PCNX1: variants seen among roughly 807,000 people sequenced by gnomAD.
The protein encoded by PCNX1 is pecanex-like protein 1.
PCNX1 carries 78 observed loss-of-function variants against 242.2 expected under a neutral mutation model. That is an observed-to-expected ratio of 0.32 (90% CI 0.27 to 0.39). The LOEUF is 0.39. Among genes scored for constraint, PCNX1 ranks in the 10% least tolerant of loss-of-function variants. PCNX1 has a pLI of 1.00. For synonymous variants in PCNX1, 1,024 were observed against 1,032.9 expected, an observed-to-expected ratio of 0.99 and a Z score of 0.17; for missense variants, 2,581 against 2,856.5, an observed-to-expected ratio of 0.90 and a Z score of 2.20.
intron 28 of PCNX1, among the ~76,000 whole-genome samples, chr14:71,086,847 C>G (rs1291585567): frequency 2.0e-5 from 3 of 152,130 alleles, no homozygotes; most frequent in Non-Finnish European, 2.9e-5. Context: ...GTAGGGCTAC[C>G]TCATTTGTTT....
intron 33 of PCNX1, among the ~76,000 whole-genome samples, chr14:71,108,153 G>C (rs2062675363): frequency 6.6e-6 from 1 of 151,916 alleles, no homozygotes; most frequent in South Asian, 2.1e-4. Flanking sequence ...GTGAGTTCGG[G>C]GTTTTCAGAT....
intron 28 of PCNX1, among the ~76,000 whole-genome samples, chr14:71,087,491 C>G (rs1215461346): frequency 6.6e-6 from 1 of 152,052 alleles, no homozygotes; most frequent in Non-Finnish European, 1.5e-5. Context: ...AATAATTAAG[C>G]TAATTATTAG....
At chr14:70,983,271 A>G (rs936793307) in intron 6 of PCNX1, among the ~76,000 whole-genome samples, 2 of 152,126 alleles carry the variant, frequency 1.3e-5, no homozygotes, top group African/African-American at 4.8e-5. Flanking sequence ...ATCAGTAAGG[A>G]TGTGCAAATT....
At chr14:70,964,364 G>A (rs2058314719) in intron 3 of PCNX1, among the ~76,000 whole-genome samples, 1 of 152,108 alleles carries the variant, frequency 6.6e-6, no homozygotes, top group African/African-American at 2.4e-5. Context: ...ACCATGCCCA[G>A]CCTTAGATTG....
At chr14:71,071,477 G>A (rs1190259287) in intron 26 of PCNX1, among the ~76,000 whole-genome samples, 2 of 152,096 alleles carry the variant, frequency 1.3e-5, no homozygotes, top group Admixed American at 6.6e-5. Flanking sequence ...AGATCATGGG[G>A]GTAGATTTTC....
intron 22 of PCNX1, among the ~76,000 whole-genome samples, chr14:71,048,573 CAGAT>C (rs1207762678): frequency 1.3e-5 from 2 of 152,200 alleles, no homozygotes; most frequent in Non-Finnish European, 2.9e-5. Flanking sequence ...GCTGTACAGT[CAGAT>C]TATTTGTCAG....
At chr14:70,973,362 A>G (rs2058598033) in intron 5 of PCNX1, among the ~76,000 whole-genome samples, 1 of 152,170 alleles carries the variant, frequency 6.6e-6, no homozygotes, top group Non-Finnish European at 1.5e-5. Flanking sequence ...AGATCAAAGG[A>G]AAACCAAGAC....
chr14:70,910,409 G>T (rs1426834983), intron 1 of PCNX1, among the ~76,000 whole-genome samples: 1 of 151,512 alleles, frequency 6.6e-6, no homozygotes, highest in African/African-American at 2.4e-5. Context: ...CTCAGGGCCT[G>T]CCCTCTCCTG....
At chr14:70,986,637 G>C (rs887968868) in intron 6 of PCNX1, among the ~76,000 whole-genome samples, 1 of 152,074 alleles carries the variant, frequency 6.6e-6, no homozygotes, top group Non-Finnish European at 1.5e-5. Context: ...GTATGATTAC[G>C]TACTGCTTTT....
In PCNX1 at chr14:70,977,876, C is replaced by T. The variant is rs113064017; in HGVS notation, c.1539C>T (p.Asn513=). 6.6e-3 allele frequency: 10,632 copies of T among 1,614,052 alleles called. 42 individuals are homozygous for T. Among genetic ancestry groups the T allele is most frequent in the Non-Finnish European group, 7.9e-3 (9,306 of 1,179,994 alleles). ...GACCACCTGGGAACACTGCAGAAAA[C>T]AAAGAAGAGAAGAGTGATAAGTCAG... is the stretch of plus-strand genomic sequence containing the variant. ...GDRPPGNTAE[N]KEEKSDKSAV... The change falls in exon 6 of 36, where the codon AAC becomes AAT. Residue 513 remains asparagine (N), a synonymous_variant. Coordinates refer to ENST00000304743, the MANE Select transcript of PCNX1 (RefSeq NM_014982.3).
intron 8 of PCNX1, among the ~76,000 whole-genome samples, chr14:70,999,134 T>G (rs968345946): frequency 1.3e-5 from 2 of 152,126 alleles, no homozygotes; most frequent in African/African-American, 4.8e-5. Flanking sequence ...CTTAAAGTTC[T>G]GTTTTATATC....
intron 8 of PCNX1, among the ~76,000 whole-genome samples, chr14:71,003,347 C>T (rs77039754): frequency 0.014 from 2,064 of 152,090 alleles, 22 homozygotes; most frequent in Middle Eastern, 0.034. Context: ...CGCCTCGGCC[C>T]CCCAAAGCGC....
chr14:71,048,865 G>A (rs1431103043), intron 22 of PCNX1: 3 of 174,846 alleles, frequency 1.7e-5, no homozygotes, highest in South Asian at 1.9e-4. Flanking sequence ...ATGGAAAGCC[G>A]TTAATTTGAG....
chr14:70,912,480 C>G (rs550923954), intron 1 of PCNX1, among the ~76,000 whole-genome samples: 4 of 152,156 alleles, frequency 2.6e-5, no homozygotes, highest in South Asian at 4.1e-4. Flanking sequence ...ACTCAACGTA[C>G]CTCTTGGCTG....
chr14:70,932,272 C>G (rs1007997324), intron 1 of PCNX1, among the ~76,000 whole-genome samples: 9 of 152,100 alleles, frequency 5.9e-5, no homozygotes, highest in Non-Finnish European at 1.3e-4. Context: ...CGGGGAGAGA[C>G]AATTGTATTT....
chr14:70,926,595 T>A (rs768368637), intron 1 of PCNX1, among the ~76,000 whole-genome samples: 2 of 149,330 alleles, frequency 1.3e-5, no homozygotes, highest in Admixed American at 6.6e-5. Flanking sequence ...ATTTTAAACC[T>A]CCTATAATGC....
intron 8 of PCNX1, among the ~76,000 whole-genome samples, chr14:71,008,646 ACT>A (rs1379094731): frequency 5.8e-5 from 7 of 120,564 alleles, no homozygotes; most frequent in African/African-American, 2.4e-4. Flanking sequence ...ACAGAGCGAG[ACT>A]CTGTCTCAAA....
intron 2 of PCNX1, among the ~76,000 whole-genome samples, chr14:70,949,698 C>G (rs2057700300): frequency 6.6e-6 from 1 of 152,162 alleles, no homozygotes; most frequent in African/African-American, 2.4e-5. Context: ...CTGAAGTGAT[C>G]CCCCTGTTGC....
intron 16 of PCNX1, among the ~76,000 whole-genome samples, chr14:71,030,910 A>AT (rs2060363371): frequency 6.6e-6 from 1 of 152,152 alleles, no homozygotes; most frequent in Non-Finnish European, 1.5e-5. Flanking sequence ...ATTCAAATTC[A>AT]TTAAGTTATC....
Sources: allele counts gnomAD v4.1 joint callset (sites outside exome capture counted in the v4.1 genomes callset), GRCh38; gene constraint gnomAD v4.1.1; transcripts MANE v1.5; gene names NCBI Gene and HGNC (gene_info 2026-07-23, HGNC 2026-07-21).